The following RETREG1 variants were observed in gnomAD, a reference collection of about 807,000 sequenced individuals.
The protein encoded by RETREG1 is family with sequence similarity 134 member B.
A neutral mutation model predicts 54.8 loss-of-function variants in RETREG1; 44 were observed. The observed-to-expected ratio is 0.80, with a 90% confidence interval of 0.63 to 1.03. The LOEUF is 1.03. Ranked by LOEUF, RETREG1 falls within the 50% of genes least tolerant of loss-of-function variation. RETREG1 has a pLI of 0.00. For synonymous variants in RETREG1, 217 were observed against 238.5 expected, an observed-to-expected ratio of 0.91 and a Z score of 0.83; for missense variants, 554 against 605.1, an observed-to-expected ratio of 0.92 and a Z score of 0.89.
At chr5:16,531,964 G>A (rs1298822505) in intron 3 of RETREG1, among the ~76,000 whole-genome samples, 1 of 152,160 alleles carries the variant, frequency 6.6e-6, no homozygotes, top group African/African-American at 2.4e-5. Flanking sequence ...ATACAGGGCT[G>A]TGTCCACCCT....
chr5:16,616,851 CCTG>C lies in RETREG1; in HGVS notation c.118_120del (p.Gln40del). 6.6e-7 allele frequency: 1 copy of C among 1,510,332 alleles called. No homozygotes were observed. The highest frequency in any genetic ancestry group is 2.1e-4 in the Middle Eastern group (1 of 4,732). 93.6% of individuals were successfully genotyped at this position (1,510,332 alleles called of 1,614,324 possible). A position where few individuals can be genotyped will look rare whatever the true frequency, so the allele number is the denominator to read the frequency against. ...GCCCCAGCTTCCTGCGCTTCCTCCT[CCTG>C]CTGCTGCCGCTCTGCGGGGGATGCC... On this transcript the variant is annotated inframe_deletion, in exon 1 of 9. Coordinates refer to ENST00000306320, the MANE Select transcript of RETREG1 (RefSeq NM_001034850.3).
intron 1 of RETREG1, among the ~76,000 whole-genome samples, chr5:16,583,317 C>G (rs1579707045): frequency 6.7e-6 from 1 of 148,758 alleles, no homozygotes; most frequent in Admixed American, 6.6e-5. Flanking sequence ...AACACCCCAT[C>G]TCTACCAAAA....
chr5:16,607,560 G>A (rs1743226664), intron 1 of RETREG1, among the ~76,000 whole-genome samples: 1 of 152,150 alleles, frequency 6.6e-6, no homozygotes, highest in Middle Eastern at 3.4e-3. Flanking sequence ...ACTGCAGTGA[G>A]CCAAGATCAC....
intron 3 of RETREG1, among the ~76,000 whole-genome samples, chr5:16,496,723 C>T (rs949879648): frequency 6.6e-6 from 1 of 152,152 alleles, no homozygotes; most frequent in Middle Eastern, 3.2e-3. Flanking sequence ...TAATTTTATG[C>T]AATTACAATG....
At chr5:16,538,703 C>T (rs1741149342) in intron 3 of RETREG1, among the ~76,000 whole-genome samples, 1 of 143,342 alleles carries the variant, frequency 7.0e-6, no homozygotes, top group African/African-American at 2.6e-5. Context: ...TTCTTTCATT[C>T]TTTTTTTTTT....
chr5:16,523,236 T>C (rs1740593455), intron 3 of RETREG1, among the ~76,000 whole-genome samples: 1 of 152,148 alleles, frequency 6.6e-6, no homozygotes, highest in Admixed American at 6.5e-5. Flanking sequence ...TGTACTTTGC[T>C]AGGTTTTTGT....
intron 3 of RETREG1, among the ~76,000 whole-genome samples, chr5:16,522,299 T>C (rs1214653155): frequency 1.3e-5 from 2 of 152,202 alleles, no homozygotes; most frequent in African/African-American, 4.8e-5. Context: ...CTAATGGGCT[T>C]TCATTTCCTC....
chr5:16,600,674 G>A (rs1044682418), intron 1 of RETREG1, among the ~76,000 whole-genome samples: 7 of 152,120 alleles, frequency 4.6e-5, no homozygotes, highest in African/African-American at 1.2e-4. Flanking sequence ...AGCACACTGC[G>A]CTCAGCCTTG....
rs997057813 is a variant in RETREG1, at chr5:16,602,580, C to T, written c.320+14072G>A. 3.9e-4 allele frequency among the ~76,000 whole-genome samples: 59 copies of T among 152,192 alleles called. 1 individual carries two copies. Among genetic ancestry groups the T allele is most frequent in the African/African-American group, 1.4e-3 (57 of 41,450 alleles). ...TTAGCTTATATATGAACAATACTTACATAGTCATAATGCTTTAACCCAAAC... is the reference window on the plus strand; with the variant it reads ...TTAGCTTATATATGAACAATACTTATATAGTCATAATGCTTTAACCCAAAC... On this transcript the variant is annotated intron_variant, in intron 1 of 8. Coordinates refer to ENST00000306320, the MANE Select transcript of RETREG1 (RefSeq NM_001034850.3).
intron 3 of RETREG1, among the ~76,000 whole-genome samples, chr5:16,526,299 A>G (rs1740714725): frequency 6.6e-6 from 1 of 152,250 alleles, no homozygotes; most frequent in African/African-American, 2.4e-5. Context: ...TCATTTGTTC[A>G]TTCATCACAT....
rs573590864 is a variant in RETREG1 at position 16,501,071 on chromosome 5, T to C, written c.459-17599A>G. Among the ~76,000 whole-genome samples the C allele has an allele frequency of 2.0e-5, 3 of 152,344 alleles. No individual in the cohort carries two copies. In the South Asian group the frequency reaches 6.2e-4, roughly 32 times the overall value. ...TTTCCATTCAGTGTGACCTATTTTG[T>C]ATTGCTTAAGGAAATGTATAACTTA... is the stretch of plus-strand genomic sequence containing the variant. On this transcript the variant is annotated intron_variant, in intron 3 of 8. Transcript: ENST00000306320.
At chr5:16,481,216 G>C in intron 4 of RETREG1, 123 bp from the exon 5 acceptor site, 1 of 764,426 alleles carries the variant, frequency 1.3e-6, no homozygotes, top group Non-Finnish European at 2.2e-6. Flanking sequence ...GGTTATTACA[G>C]ATTTTTTCCA....
chr5:16,585,875 A>G lies in RETREG1; in HGVS notation c.321-13773T>C, dbSNP rs537279214. Among the ~76,000 whole-genome samples, 1 of 152,180 alleles carries G rather than the reference A, an allele frequency of 6.6e-6. No homozygotes were observed. Among genetic ancestry groups the G allele is most frequent in the East Asian group, 1.9e-4 (1 of 5,160 alleles). ...ATATTTAAACTACCAGATCTTGAAGAGAACTTACTATCTTGAGAACAGCAC... is the reference window on the plus strand; with the variant it reads ...ATATTTAAACTACCAGATCTTGAAGGGAACTTACTATCTTGAGAACAGCAC... On this transcript the variant is annotated intron_variant, in intron 1 of 8. Coordinates refer to ENST00000306320, the MANE Select transcript of RETREG1 (RefSeq NM_001034850.3). The surrounding 1 kb of genome is among the most constrained non-coding windows in gnomAD (Gnocchi z 4.5).
chr5:16,477,338 A>T (rs2126509924), intron 8 of RETREG1, among the ~76,000 whole-genome samples: 1 of 152,304 alleles, frequency 6.6e-6, no homozygotes, highest in East Asian at 1.9e-4. Context: ...AAAGAAATGC[A>T]TACCAATTAA....
intron 3 of RETREG1, among the ~76,000 whole-genome samples, chr5:16,485,690 A>C (rs1463254935): frequency 6.6e-6 from 1 of 152,220 alleles, no homozygotes; most frequent in Non-Finnish European, 1.5e-5. Flanking sequence ...CATATAACTT[A>C]AAGTGTTTTA....
At chr5:16,484,759 A>C (rs1415023577) in intron 3 of RETREG1, among the ~76,000 whole-genome samples, 2 of 152,204 alleles carry the variant, frequency 1.3e-5, no homozygotes, top group Non-Finnish European at 2.9e-5. Flanking sequence ...GGGGAAGTAT[A>C]CCATTTTCCT....
chr5:16,558,071 A>T (rs897191049), intron 3 of RETREG1, among the ~76,000 whole-genome samples: 1 of 152,084 alleles, frequency 6.6e-6, no homozygotes, highest in Non-Finnish European at 1.5e-5. Flanking sequence ...TTTTAAAAAG[A>T]AATAAGAAAA....
chr5:16,558,790 A>G (rs1401210827), intron 3 of RETREG1, among the ~76,000 whole-genome samples: 1 of 152,260 alleles, frequency 6.6e-6, no homozygotes, highest in Non-Finnish European at 1.5e-5. Flanking sequence ...AAACCTCTTA[A>G]GCTATCAGGT....
At chr5:16,519,845 G>A (rs1379808912) in intron 3 of RETREG1, among the ~76,000 whole-genome samples, 2 of 152,200 alleles carry the variant, frequency 1.3e-5, no homozygotes, top group Non-Finnish European at 2.9e-5. Flanking sequence ...TTCTTATCCT[G>A]AATAGTCAGA....
Sources: allele counts gnomAD v4.1 joint callset (sites outside exome capture counted in the v4.1 genomes callset), GRCh38; gene constraint gnomAD v4.1.1; non-coding constraint Gnocchi (gnomAD v3.1); transcripts MANE v1.5; gene names NCBI Gene and HGNC (gene_info 2026-07-23, HGNC 2026-07-21).